The following RNFT2 variants were observed in gnomAD, a reference collection of about 807,000 sequenced individuals.
RNFT2 encodes E3 ubiquitin-protein ligase RNFT2.
A neutral mutation model predicts 53.0 loss-of-function variants in RNFT2; 36 were observed. The ratio of observed to expected loss-of-function variants is 0.68; its 90% CI spans 0.52 to 0.90. RNFT2 has a LOEUF of 0.90. RNFT2 is among the 40% of genes least tolerant of loss of function. The probability of loss-of-function intolerance (pLI) is 0.00; values close to 1 mark genes in which losing one functional copy is unlikely to be tolerated. For synonymous variants in RNFT2, 260 were observed against 253.2 expected (o/e 1.03, Z -0.26); for missense variants, 514 against 585.6 (o/e 0.88, Z 1.26).
intron 7 of RNFT2, among the ~76,000 whole-genome samples, chr12:116,816,908 C>T (rs1368099072): frequency 6.6e-6 from 1 of 152,222 alleles, no homozygotes; most frequent in Non-Finnish European, 1.5e-5. Context: ...GTGTATATCT[C>T]CTGGGTTCCA....
chr12:116,818,767 G>C (rs1875829333), intron 7 of RNFT2, among the ~76,000 whole-genome samples: 1 of 152,154 alleles, frequency 6.6e-6, no homozygotes, highest in South Asian at 2.1e-4. Context: ...CAAGTAACTT[G>C]ACCTCTCCGA....
At chr12:116,749,009 A>ACGT (rs1872040252) in intron 3 of RNFT2, among the ~76,000 whole-genome samples, 1 of 152,190 alleles carries the variant, frequency 6.6e-6, no homozygotes, top group Non-Finnish European at 1.5e-5. Context: ...ACTATCTGAC[A>ACGT]CGTAGTAGGT....
At chr12:116,799,661 C>T (rs2137147896) in intron 7 of RNFT2, among the ~76,000 whole-genome samples, 2 of 152,310 alleles carry the variant, frequency 1.3e-5, no homozygotes, top group South Asian at 4.1e-4. Flanking sequence ...CTCAGCTGGG[C>T]ACGATGGCTC....
chr12:116,783,537 G>A (rs992348156), intron 7 of RNFT2, among the ~76,000 whole-genome samples: 3 of 152,220 alleles, frequency 2.0e-5, no homozygotes, highest in Non-Finnish European at 1.5e-5. Flanking sequence ...CCTGCAAGGC[G>A]ACACAGGTTG....
intron 10 of RNFT2, among the ~76,000 whole-genome samples, chr12:116,838,278 T>C (rs977765296): frequency 6.6e-6 from 1 of 152,204 alleles, no homozygotes; most frequent in Non-Finnish European, 1.5e-5. Flanking sequence ...CCTGGGCCCA[T>C]CGTGTTGATT....
chr12:116,786,935 C>T (rs941990726), intron 7 of RNFT2, among the ~76,000 whole-genome samples: 4 of 152,188 alleles, frequency 2.6e-5, no homozygotes, highest in African/African-American at 7.2e-5. Flanking sequence ...TGGTCTTCTC[C>T]TCTTCTGTGA....
chr12:116,806,770 A>C (rs1466387875), intron 7 of RNFT2, among the ~76,000 whole-genome samples: 1 of 150,684 alleles, frequency 6.6e-6, no homozygotes, highest in African/African-American at 2.4e-5. Flanking sequence ...AAAGCTGTTG[A>C]ATTTGATCAA....
intron 7 of RNFT2, among the ~76,000 whole-genome samples, chr12:116,809,618 C>T (rs551323198): frequency 6.6e-5 from 10 of 152,282 alleles, no homozygotes; most frequent in Non-Finnish European, 1.5e-4. Context: ...TCTGGTTCCT[C>T]AAAGACTGGG....
intron 10 of RNFT2, among the ~76,000 whole-genome samples, chr12:116,841,958 TAGAGAG>T (rs71099003): frequency 1.6e-4 from 1 of 6,384 alleles, no homozygotes; most frequent in Non-Finnish European, 3.1e-4. Flanking sequence ...AATATATATA[TAGAGAG>T]AGAGAGAGAG....
chr12:116,832,136 A>ATAT (rs1363507539), intron 7 of RNFT2, among the ~76,000 whole-genome samples: 3 of 51,944 alleles, frequency 5.8e-5, no homozygotes, highest in Admixed American at 5.4e-4. Flanking sequence ...GTCTCAAAAA[A>ATAT]AAAAAAAAAA....
chr12:116,833,760 A>G (rs748176929), intron 7 of RNFT2, 32 bp from the exon 8 acceptor site: 1 of 1,609,982 alleles, frequency 6.2e-7, no homozygotes, highest in Admixed American at 1.7e-5. Context: ...CTTTACTGCT[A>G]ATAATAATTG....
chr12:116,751,259 C>T (rs1872240054), intron 4 of RNFT2, among the ~76,000 whole-genome samples: 2 of 151,594 alleles, frequency 1.3e-5, no homozygotes. Flanking sequence ...TAACATAGAG[C>T]CTGAATTGAA....
At position 116,755,794 on chromosome 12, in the gene RNFT2, C is replaced by T. The variant is rs571810488; in HGVS notation, c.627+1734C>T. The T allele has an allele frequency of 2.4e-5, 37 of 1,540,002 alleles. No individual in the cohort carries two copies. In the African/African-American group the frequency reaches 3.0e-4, roughly 12 times the overall value. On this transcript the variant is annotated intron_variant, in intron 5 of 10. Coordinates refer to ENST00000257575, the MANE Select transcript of RNFT2 (RefSeq NM_001382266.1). ...TCTTATAGATTCACATATACATGGC[C>T]AAAGGAACAACTCCATGTTTTCTAA...
chr12:116,812,229 C>CCTGCTGCAGCCTTATCT (rs1565867565), intron 7 of RNFT2, among the ~76,000 whole-genome samples: 1 of 151,996 alleles, frequency 6.6e-6, no homozygotes. Flanking sequence ...CAGACTTATT[C>CCTGCTGCAGCCTTATCT]CCTGCTGCAG....
intron 2 of RNFT2, chr12:116,740,774 A>T: frequency 1.6e-6 from 1 of 621,510 alleles, no homozygotes; most frequent in Non-Finnish European, 2.9e-6. Flanking sequence ...TTACCGCGTT[A>T]TCCTCTCACA....
intron 4 of RNFT2, among the ~76,000 whole-genome samples, chr12:116,751,897 C>T (rs1872268680): frequency 6.6e-6 from 1 of 152,052 alleles, no homozygotes; most frequent in African/African-American, 2.4e-5. Flanking sequence ...ATCCACCTGC[C>T]TTGGCCTCCC....
intron 10 of RNFT2, among the ~76,000 whole-genome samples, chr12:116,838,822 G>C (rs1877107651): frequency 1.3e-5 from 2 of 152,180 alleles, no homozygotes; most frequent in African/African-American, 4.8e-5. Context: ...AAATTCTTGG[G>C]AGGAGTCAGA....
chr12:116,789,960 G>GTGGA (rs71095596), intron 7 of RNFT2, among the ~76,000 whole-genome samples: 9,970 of 146,092 alleles, frequency 0.068, 558 homozygotes, highest in East Asian at 0.16. Flanking sequence ...GGATGGGTGG[G>GTGGA]TGGATGGATG....
At chr12:116,784,066 A>C (rs1345148234) in intron 7 of RNFT2, among the ~76,000 whole-genome samples, 1 of 152,244 alleles carries the variant, frequency 6.6e-6, no homozygotes, top group Non-Finnish European at 1.5e-5. Flanking sequence ...CCACACAGCT[A>C]GAAATTGAAG....
Sources: gnomAD v4.1 joint callset for allele counts (sites outside exome capture counted in the v4.1 genomes callset) on GRCh38, gnomAD v4.1.1 for gene constraint, MANE v1.5 for transcripts, NCBI Gene and HGNC (gene_info 2026-07-23, HGNC 2026-07-21) for gene names.